The following MTBP variants were observed in gnomAD, a reference collection of about 807,000 sequenced individuals.
MTBP encodes mdm2-binding protein.
MTBP carries 101 observed loss-of-function variants against 117.0 expected under a neutral mutation model. The observed-to-expected ratio is 0.86, with a 90% CI of 0.73 to 1.02. The LOEUF is 1.02. Ranked by LOEUF, MTBP falls within the 50% of genes least tolerant of loss-of-function variation. MTBP has a pLI of 0.00. For missense variants in MTBP, 970 were observed against 1,030.9 expected (o/e 0.94, Z 0.81); for synonymous variants, 350 against 351.5 (o/e 1.00, Z 0.05).
intron 7 of MTBP, 136 bp from the exon 8 acceptor site, chr8:120,459,079 C>A: frequency 1.5e-6 from 1 of 685,730 alleles, no homozygotes. Context: ...ATGTGAGAAG[C>A]ACACTTTTGA....
rs1271488390 is a variant in MTBP at position 120,508,752 on chromosome 8, C to A, written c.1884-1182C>A. Among the ~76,000 whole-genome samples, 4 of 152,268 alleles carry A rather than the reference C, an allele frequency of 2.6e-5. No homozygotes were observed. The East Asian group carries it at 7.7e-4, about 29-fold the overall frequency. ...CATTTCCAACTCTTCTGAACTCAAG[C>A]CCCTGGTATTTCATTTTACCTAGTA... On this transcript the variant is annotated intron_variant, in intron 16 of 21. Coordinates refer to ENST00000305949, the MANE Select transcript of MTBP (RefSeq NM_022045.5).
At chr8:120,477,508 C>G (rs193027701) in intron 11 of MTBP, among the ~76,000 whole-genome samples, 123 of 152,236 alleles carry the variant, frequency 8.1e-4, no homozygotes, top group African/African-American at 2.8e-3. Flanking sequence ...ATCCATCTGA[C>G]AAAGGGCTAA....
intron 17 of MTBP, among the ~76,000 whole-genome samples, chr8:120,511,978 G>T (rs1276083207): frequency 2.6e-5 from 4 of 151,980 alleles, no homozygotes; most frequent in African/African-American, 9.7e-5. Flanking sequence ...TTACTTTCAT[G>T]TTTTTAAATA....
intron 11 of MTBP, among the ~76,000 whole-genome samples, chr8:120,474,928 A>C (rs1813900929): frequency 6.6e-6 from 1 of 152,086 alleles, no homozygotes; most frequent in African/African-American, 2.4e-5. Flanking sequence ...AATGGTAAAA[A>C]CAAGTTTGTG....
chr8:120,456,770 T>C (rs1400143480), intron 7 of MTBP, 100 bp downstream of exon 7: 2 of 728,412 alleles, frequency 2.7e-6, no homozygotes, highest in Non-Finnish European at 4.8e-6. Context: ...TATAAAGATA[T>C]TCTAGAATAG....
At chr8:120,484,861 T>C (rs1285281424) in intron 11 of MTBP, among the ~76,000 whole-genome samples, 2 of 152,222 alleles carry the variant, frequency 1.3e-5, no homozygotes, top group Admixed American at 6.5e-5. Flanking sequence ...TTGGTCTGTA[T>C]AGATTTGACT....
Position 120,459,218 on chromosome 8 carries a change from G to A in MTBP, c.751G>A (p.Gly251Arg), listed in dbSNP as rs752955771. 39 of 1,606,590 alleles carry A rather than the reference G, an allele frequency of 2.4e-5. No individual in the cohort carries two copies. The highest frequency in any genetic ancestry group is 3.3e-5 in the Non-Finnish European group (39 of 1,175,808). ...GKIQIWERKF[G>R]FEISFPEFCL... ...TGTTTTCTTGGTCTCTTTTCAGTTT[G>A]GATTTGAAATTAGTTTTCCTGAATT... The change falls in exon 8 of 22, where the codon GGA becomes AGA. Residue 251 changes from glycine to arginine, a missense_variant. By Grantham distance (125) the Gly-to-Arg change is moderately radical (BLOSUM62 -2). Coordinates refer to ENST00000305949, the MANE Select transcript of MTBP (RefSeq NM_022045.5).
intron 12 of MTBP, 84 bp downstream of exon 12, chr8:120,488,416 CTAAACATTTAATGAATTTATTTTCGCCAA>C: frequency 1.0e-6 from 1 of 998,378 alleles, no homozygotes; most frequent in South Asian, 3.2e-5. Flanking sequence ...AGAAGAAATA[CTAAACATTTAATGAATTTATTTTCGCCAA>C]ACTCCATTCT....
At chr8:120,456,807 T>A in intron 7 of MTBP, 137 bp downstream of exon 7, 1 of 634,010 alleles carries the variant, frequency 1.6e-6, no homozygotes. Flanking sequence ...CTGCAATAAT[T>A]AAATGTTCTA....
chr8:120,463,517 A>T lies in MTBP; in HGVS notation c.978-175A>T, dbSNP rs1813623674. 2.0e-5 allele frequency among the ~76,000 whole-genome samples: 3 copies of T among 152,300 alleles called. No individual in the cohort carries two copies. In the South Asian group the frequency reaches 6.2e-4, roughly 32 times the overall value. ...CTTAGCATATTTTCAGAATCAAACA[A>T]ATAATTGGAAAAATACTTATCCTTA... On this transcript the variant is annotated intron_variant, in intron 9 of 21. Coordinates refer to ENST00000305949, the MANE Select transcript of MTBP (RefSeq NM_022045.5).
rs758459702 is a variant in MTBP at position 120,523,316 on chromosome 8, G to C, written c.2695G>C (p.Glu899Gln). The change falls in exon 22 of 22, where the codon GAA becomes CAA. Residue 899 changes from glutamate to glutamine, a missense_variant. Physicochemically the swap from Glu to Gln is conservative, Grantham distance 29 (BLOSUM62 2). Coordinates refer to ENST00000305949, the MANE Select transcript of MTBP (RefSeq NM_022045.5). The part of the protein sequence containing the change: ...NAVQVIDWVL[E>Q]KTSKK ...CCCCTAGGTGATTGACTGGGTATTA[G>C]AAAAGACAAGCAAGAAATGATACAT... 1 of 1,556,750 alleles carries C rather than the reference G, an allele frequency of 6.4e-7. No homozygotes were observed. The highest frequency in any genetic ancestry group is 8.7e-7 in the Non-Finnish European group (1 of 1,144,870).
chr8:120,456,564 A>G lies in MTBP; in HGVS notation c.641A>G (p.Lys214Arg), dbSNP rs1563784944. The change falls in exon 7 of 22, where the codon AAA becomes AGA. Residue 214 changes from lysine (K) to arginine (R), a missense_variant. Transcript: ENST00000305949. ...AGNHCEINCQ[K>R]IAEYLSANVV... is the part of the protein sequence containing the mutation. Reference sequence around the variant, plus strand: ...TCTTTTTTTTATAGAAACTGTCAGAAAATTGCAGAATACCTTTCTGCTAAT... The same window carrying G: ...TCTTTTTTTTATAGAAACTGTCAGAGAATTGCAGAATACCTTTCTGCTAAT... 1 of 1,539,736 alleles carries G rather than the reference A, an allele frequency of 6.5e-7. No homozygotes were observed. The highest frequency in any genetic ancestry group is 1.8e-5 in the Admixed American group (1 of 55,068).
chr8:120,485,170 G>T (rs1280508145), intron 11 of MTBP, among the ~76,000 whole-genome samples: 1 of 152,108 alleles, frequency 6.6e-6, no homozygotes. Flanking sequence ...TCTAGGAGTG[G>T]AATTGCTGGG....
intron 19 of MTBP, 46 bp from the exon 20 acceptor site, chr8:120,518,658 G>A: frequency 1.6e-6 from 2 of 1,287,570 alleles, no homozygotes; most frequent in Non-Finnish European, 2.2e-6. Context: ...TAATAGGTTT[G>A]TGCCTTTTCC....
Position 120,488,190 on chromosome 8 carries a change from T to C in MTBP, c.1197T>C (p.Ser399=). 1.3e-6 allele frequency: 2 copies of C among 1,588,816 alleles called. No individual in the cohort carries two copies. The highest frequency in any genetic ancestry group is 1.2e-5 in the South Asian group (1 of 85,060). The part of the protein sequence containing the change: ...VPDVEVKGEC[S]SYYLLLQGNG... ...ATGTTGAAGTGAAAGGAGAGTGTTC[T>C]AGCTATTATCTCTTGTTACAAGGTA... The change falls in exon 12 of 22, where the codon TCT becomes TCC. Residue 399 remains serine, a synonymous_variant. Transcript: ENST00000305949.
chr8:120,463,652 A>C, intron 9 of MTBP, 40 bp from the exon 10 acceptor site: 1 of 1,470,022 alleles, frequency 6.8e-7, no homozygotes, highest in South Asian at 1.4e-5. Context: ...ACATTGTTTC[A>C]TGGGTACCAT....
At chr8:120,464,706 A>G (rs1007773174) in intron 10 of MTBP, among the ~76,000 whole-genome samples, 1 of 152,128 alleles carries the variant, frequency 6.6e-6, no homozygotes, top group Non-Finnish European at 1.5e-5. Context: ...TCCTTTGAAT[A>G]GGACGACAAA....
intron 17 of MTBP, among the ~76,000 whole-genome samples, chr8:120,515,166 C>T (rs751237056): frequency 1.3e-5 from 2 of 151,884 alleles, no homozygotes; most frequent in Non-Finnish European, 2.9e-5. Context: ...TTGTACAGTG[C>T]TACCATCACA....
At chr8:120,493,346 G>A (rs972400138) in intron 13 of MTBP, among the ~76,000 whole-genome samples, 1 of 151,940 alleles carries the variant, frequency 6.6e-6, no homozygotes, top group Non-Finnish European at 1.5e-5. Context: ...TCTGTTTTCT[G>A]TCTCCATTTC....
Sources: allele counts gnomAD v4.1 joint callset (sites outside exome capture counted in the v4.1 genomes callset), GRCh38; gene constraint gnomAD v4.1.1; transcripts MANE v1.5; gene names NCBI Gene and HGNC (gene_info 2026-07-23, HGNC 2026-07-21).